KCNC2: variants seen among roughly 807,000 people sequenced by gnomAD.
KCNC2 encodes potassium voltage-gated channel subfamily C member 2.
A neutral mutation model predicts 44.5 loss-of-function variants in KCNC2; 21 were observed. That is an observed-to-expected ratio of 0.47 (90% CI 0.33 to 0.68). The LOEUF (loss-of-function observed/expected upper bound fraction) is 0.68, where lower values mean the gene tolerates loss of function less well. Ranked by LOEUF, KCNC2 falls within the 30% of genes least tolerant of loss-of-function variation. The pLI, the probability that KCNC2 is intolerant of heterozygous loss-of-function variation, is 0.01. For missense variants in KCNC2, 589 were observed against 826.2 expected (o/e 0.71, Z 3.52); for synonymous variants, 391 against 339.1 (o/e 1.15, Z -1.68).
At position 75,179,146 on chromosome 12, in the gene KCNC2, A is replaced by G. The variant is rs557849064; in HGVS notation, c.687+28151T>C. Among the ~76,000 whole-genome samples, 9 of 152,222 alleles carry G rather than the reference A, an allele frequency of 5.9e-5. No individual in the cohort carries two copies. In the East Asian group the frequency reaches 1.2e-3, roughly 20 times the overall value. On this transcript the variant is annotated intron_variant, in intron 2 of 4. Coordinates refer to ENST00000549446, the MANE Select transcript of KCNC2 (RefSeq NM_139137.4). ...CATGTTCCAAAAATATTTGATACAT[A>G]TAAAACTATGTAATTAAACAGTTCA...
chr12:75,170,063 C>T (rs574731122), intron 2 of KCNC2, among the ~76,000 whole-genome samples: 3 of 151,686 alleles, frequency 2.0e-5, no homozygotes, highest in Admixed American at 6.6e-5. Context: ...AAACAAGTTC[C>T]AGACCATTTC....
Position 75,040,571 on chromosome 12 carries a change from G to A in KCNC2, c.*2534C>T, listed in dbSNP as rs891559054. The stretch of plus-strand genomic sequence containing the variant: ...ATAAAAGACTTAAACTATGAATAAT[G>A]TTGGTGAGTTCCATTTAAGCTATAA... On this transcript the variant is annotated 3_prime_UTR_variant, in exon 5 of 5. Transcript: ENST00000549446. 6.5e-6 allele frequency: 1 copy of A among 153,626 alleles called. No individual in the cohort carries two copies. The highest frequency in any genetic ancestry group is 1.5e-5 in the Non-Finnish European group (1 of 68,670). The allele number at this position is 153,626 out of a possible 1,614,324, so 9.5% of individuals were successfully genotyped here.
intron 2 of KCNC2, among the ~76,000 whole-genome samples, chr12:75,086,668 AAAAAAAAAAAAAAATAT>A (rs1565842374): frequency 2.6e-5 from 2 of 76,096 alleles, no homozygotes; most frequent in Non-Finnish European, 3.2e-5. Flanking sequence ...GGCAAAAAAA[AAAAAAAAAAAAAAATAT>A]ATATATATAT....
At chr12:75,146,571 T>C (rs1361098567) in intron 2 of KCNC2, among the ~76,000 whole-genome samples, 1 of 152,236 alleles carries the variant, frequency 6.6e-6, no homozygotes, top group African/African-American at 2.4e-5. Flanking sequence ...ATTTGTTTCA[T>C]ATTTTTGCTA....
intron 1 of KCNC2, among the ~76,000 whole-genome samples, chr12:75,208,978 G>A (rs1277421827): frequency 1.3e-5 from 2 of 152,074 alleles, no homozygotes; most frequent in Non-Finnish European, 2.9e-5. Context: ...CTTTCTAGGA[G>A]GGGCGAGGCT....
chr12:75,094,626 C>T (rs757459079), intron 2 of KCNC2, among the ~76,000 whole-genome samples: 1 of 151,630 alleles, frequency 6.6e-6, no homozygotes, highest in Non-Finnish European at 1.5e-5. Flanking sequence ...GGTCCTTGAT[C>T]CTATTTAACA....
In KCNC2 at chr12:75,076,177, C is replaced by T. The variant is rs550544865; in HGVS notation, c.688-24860G>A. 4.6e-5 allele frequency among the ~76,000 whole-genome samples: 7 copies of T among 152,288 alleles called. No homozygotes were observed. The East Asian group carries it at 1.4e-3, about 29-fold the overall frequency. On this transcript the variant is annotated intron_variant, in intron 2 of 4. Coordinates refer to ENST00000549446, the MANE Select transcript of KCNC2 (RefSeq NM_139137.4). ...ATTTAAACATTTTGAGTTCTACTAA[C>T]TTACAGCAGACTTAAGAATATCAAA...
At chr12:75,043,650 T>C (rs1880168009) in intron 4 of KCNC2, 1 of 1,287,954 alleles carries the variant, frequency 7.8e-7, no homozygotes, top group Non-Finnish European at 9.9e-7. Flanking sequence ...TCTCTTTTCA[T>C]TTTTTATTTC....
chr12:75,179,869 A>G (rs1235725694), intron 2 of KCNC2, among the ~76,000 whole-genome samples: 2 of 151,646 alleles, frequency 1.3e-5, no homozygotes, highest in Non-Finnish European at 3.0e-5. Flanking sequence ...TTTCACTGAC[A>G]CACAGTCTCT....
chr12:75,140,731 A>G (rs1209817354), intron 2 of KCNC2, among the ~76,000 whole-genome samples: 2 of 151,932 alleles, frequency 1.3e-5, no homozygotes, highest in Non-Finnish European at 2.9e-5. Flanking sequence ...AAGAATAATC[A>G]TAGACTTCAG....
intron 2 of KCNC2, among the ~76,000 whole-genome samples, chr12:75,205,708 G>A (rs1352182901): frequency 1.3e-5 from 2 of 152,038 alleles, no homozygotes; most frequent in Non-Finnish European, 2.9e-5. Context: ...TATCTTTTTA[G>A]CCACCAAGTG....
At chr12:75,173,206 G>A (rs1891950930) in intron 2 of KCNC2, among the ~76,000 whole-genome samples, 1 of 151,736 alleles carries the variant, frequency 6.6e-6, no homozygotes, top group Non-Finnish European at 1.5e-5. Flanking sequence ...AGTCAAACTA[G>A]AAATAAGCAT....
chr12:75,207,341 T>C lies in KCNC2; in HGVS notation c.643A>G (p.Met215Val). ...SGRWRRLQPRMWALFEDPYSS... is the reference protein window; with the variant it reads ...SGRWRRLQPRVWALFEDPYSS... ...TAGGGGTCTTCGAAGAGGGCCCACA[T>C]GCGGGGCTGCAGCCTCCTCCAGCGG... The change falls in exon 2 of 5, where the codon ATG (methionine) becomes GTG (valine). Residue 215 changes from methionine to valine, a missense_variant. Met to Val is a conservative substitution (Grantham distance 21). Around this residue, in one of 7 missense-constraint regions of KCNC2, gnomAD observed 97 missense variants for 73.3 expected, o/e 1.32. Coordinates refer to ENST00000549446, the MANE Select transcript of KCNC2 (RefSeq NM_139137.4). The surrounding 1 kb of genome is among the most constrained non-coding windows in gnomAD (Gnocchi z 4.1). 6.4e-7 allele frequency: 1 copy of C among 1,572,276 alleles called. No homozygotes were observed. The highest frequency in any genetic ancestry group is 8.6e-7 in the Non-Finnish European group (1 of 1,160,696).
chr12:75,152,502 A>C (rs751794821), intron 2 of KCNC2, among the ~76,000 whole-genome samples: 9 of 151,982 alleles, frequency 5.9e-5, no homozygotes, highest in Non-Finnish European at 1.2e-4. Flanking sequence ...GATTATTAAG[A>C]GTTAATGAAA....
chr12:75,102,841 G>C (rs924007642), intron 2 of KCNC2, among the ~76,000 whole-genome samples: 11 of 151,860 alleles, frequency 7.2e-5, no homozygotes, highest in African/African-American at 2.7e-4. Context: ...TAATAATAGA[G>C]CTTTTAACAG....
intron 2 of KCNC2, among the ~76,000 whole-genome samples, chr12:75,186,432 AC>A (rs1555173211): frequency 6.6e-6 from 1 of 151,566 alleles, no homozygotes; most frequent in Non-Finnish European, 1.5e-5. Flanking sequence ...TGTTACTAAT[AC>A]TCTTTTCATA....
intron 2 of KCNC2, among the ~76,000 whole-genome samples, chr12:75,187,724 CAA>C (rs1270782948): frequency 6.6e-6 from 1 of 152,102 alleles, no homozygotes; most frequent in East Asian, 1.9e-4. Flanking sequence ...GAAAATATCA[CAA>C]GTCACACCAT....
chr12:75,106,683 C>T (rs1240896143), intron 2 of KCNC2, among the ~76,000 whole-genome samples: 2 of 152,112 alleles, frequency 1.3e-5, no homozygotes, highest in Admixed American at 1.3e-4. Context: ...ATAAAAAACA[C>T]CACCACCACT....
At chr12:75,081,938 G>T (rs1215546880) in intron 2 of KCNC2, among the ~76,000 whole-genome samples, 1 of 151,888 alleles carries the variant, frequency 6.6e-6, no homozygotes, top group East Asian at 1.9e-4. Context: ...TCTTCAAAAT[G>T]ATTATCTTAT....
Sources: allele counts gnomAD v4.1 joint callset (sites outside exome capture counted in the v4.1 genomes callset), GRCh38; gene constraint gnomAD v4.1.1; regional missense constraint gnomAD v4.1.1; non-coding constraint Gnocchi (gnomAD v3.1); transcripts MANE v1.5; gene names NCBI Gene and HGNC (gene_info 2026-07-23, HGNC 2026-07-21).